Variants in SYT14 observed in about 807,000 individuals in gnomAD.
SYT14 encodes the protein synaptotagmin 14.
In SYT14, 32 loss-of-function variants were observed where a neutral mutation model predicts 74.2. The observed-to-expected ratio is 0.43, with a 90% CI of 0.33 to 0.58. SYT14 has a LOEUF of 0.58. Among genes scored for constraint, SYT14 ranks in the 20% least tolerant of loss-of-function variants. The pLI is 0.05. For missense variants in SYT14, 791 were observed against 981.8 expected (o/e 0.81, Z 2.60); for synonymous variants, 298 against 337.7 (o/e 0.88, Z 1.29).
chr1:210,126,692 T>C (rs1435364135), intron 7 of SYT14, among the ~76,000 whole-genome samples: 10 of 152,348 alleles, frequency 6.6e-5, no homozygotes, highest in Non-Finnish European at 1.3e-4. Flanking sequence ...AAAAGTACTC[T>C]TTTCATCATC....
At chr1:209,940,422 G>A (rs2078711339) in intron 1 of SYT14, among the ~76,000 whole-genome samples, 1 of 151,686 alleles carries the variant, frequency 6.6e-6, no homozygotes, top group South Asian at 2.1e-4. Flanking sequence ...ATTCCATGGG[G>A]CCAAAAAGAT....
exon 10 of SYT14, chr1:210,167,356 A>G (rs1402262906): frequency 2.6e-5 from 4 of 152,188 alleles, no homozygotes; most frequent in Non-Finnish European, 5.9e-5. Context: ...CTGCTGCTCT[A>G]AACTCTAGTT....
intron 2 of SYT14, among the ~76,000 whole-genome samples, chr1:209,997,997 T>TGAG: frequency 6.6e-6 from 1 of 152,148 alleles, no homozygotes; most frequent in Non-Finnish European, 1.5e-5. Flanking sequence ...GAGTAATTTT[T>TGAG]TAAAACCATA....
intron 7 of SYT14, among the ~76,000 whole-genome samples, chr1:210,123,550 C>T (rs544814257): frequency 6.6e-6 from 1 of 152,280 alleles, no homozygotes; most frequent in African/African-American, 2.4e-5. Context: ...GTGTCTAGCC[C>T]TTGGGCAGTA....
At chr1:210,077,814 G>A (rs1558173366) in intron 5 of SYT14, among the ~76,000 whole-genome samples, 1 of 152,028 alleles carries the variant, frequency 6.6e-6, no homozygotes, top group East Asian at 1.9e-4. Flanking sequence ...CTGTGATTTG[G>A]GGGAAATTTT....
intron 5 of SYT14, among the ~76,000 whole-genome samples, chr1:210,040,403 GA>G (rs2080762815): frequency 6.6e-6 from 1 of 151,890 alleles, no homozygotes; most frequent in Admixed American, 6.6e-5. Context: ...AGCATTAGGA[GA>G]AATACCTAAT....
At chr1:210,135,479 AT>A (rs1194956440) in intron 7 of SYT14, among the ~76,000 whole-genome samples, 1 of 152,088 alleles carries the variant, frequency 6.6e-6, no homozygotes, top group African/African-American at 2.4e-5. Context: ...TAACAAGCCC[AT>A]GTTTTCTTCT....
chr1:210,023,842 G>A (rs1364297254), intron 5 of SYT14, among the ~76,000 whole-genome samples: 1 of 152,174 alleles, frequency 6.6e-6, no homozygotes, highest in Non-Finnish European at 1.5e-5. Context: ...TGTAACTTGG[G>A]ATCTTTGTTT....
At chr1:210,032,039 G>A (rs899699803) in intron 5 of SYT14, among the ~76,000 whole-genome samples, 1 of 152,130 alleles carries the variant, frequency 6.6e-6, no homozygotes, top group Non-Finnish European at 1.5e-5. Context: ...GAACAGGAAA[G>A]TAATACCTGG....
At chr1:210,163,855 C>T (rs1444253969) in exon 10 of SYT14, 1 of 453,622 alleles carries the variant, frequency 2.2e-6, no homozygotes, top group Non-Finnish European at 4.4e-6. Context: ...TCTTCTATCT[C>T]AGTAATTATA....
chr1:210,003,139 C>T (rs1230102019), intron 2 of SYT14, among the ~76,000 whole-genome samples: 1 of 151,966 alleles, frequency 6.6e-6, no homozygotes, highest in Admixed American at 6.6e-5. Context: ...CCCTTATATC[C>T]TCGATTTTCC....
At chr1:210,145,074 C>G (rs1193083004) in intron 7 of SYT14, among the ~76,000 whole-genome samples, 1 of 152,114 alleles carries the variant, frequency 6.6e-6, no homozygotes, top group Non-Finnish European at 1.5e-5. Context: ...TTAGTATGCG[C>G]TAAAGGTCTG....
At chr1:210,129,602 T>G (rs962390679) in intron 7 of SYT14, among the ~76,000 whole-genome samples, 4 of 152,232 alleles carry the variant, frequency 2.6e-5, no homozygotes, top group Non-Finnish European at 4.4e-5. Context: ...TTAAACTTTC[T>G]TGATAATAAT....
chr1:210,085,057 G>A (rs2081695555), intron 5 of SYT14, among the ~76,000 whole-genome samples: 1 of 152,122 alleles, frequency 6.6e-6, no homozygotes, highest in East Asian at 1.9e-4. Flanking sequence ...TCCACCAATT[G>A]CTAAGAATAT....
intron 7 of SYT14, among the ~76,000 whole-genome samples, chr1:210,152,363 T>C (rs2083181282): frequency 2.0e-5 from 3 of 152,216 alleles, no homozygotes; most frequent in Non-Finnish European, 4.4e-5. Flanking sequence ...CAGGATTCTT[T>C]AAAACATTTT....
intron 2 of SYT14, among the ~76,000 whole-genome samples, chr1:209,974,873 C>T (rs1177796030): frequency 1.3e-5 from 2 of 152,088 alleles, no homozygotes; most frequent in African/African-American, 4.8e-5. Context: ...TTGTTTGTAT[C>T]CTCTTTTATT....
chr1:210,097,397 T>C (rs2081986483), intron 6 of SYT14, among the ~76,000 whole-genome samples: 1 of 152,158 alleles, frequency 6.6e-6, no homozygotes, highest in Non-Finnish European at 1.5e-5. Context: ...ACTGGTCCCA[T>C]ACCTTGAAAG....
chr1:209,944,461 A>G (rs1484648511), intron 1 of SYT14, among the ~76,000 whole-genome samples: 1 of 152,240 alleles, frequency 6.6e-6, no homozygotes, highest in African/African-American at 2.4e-5. Flanking sequence ...GGATCAAATG[A>G]GATACCATAT....
At chr1:209,998,880 A>G (rs1168562372) in intron 2 of SYT14, among the ~76,000 whole-genome samples, 1 of 152,082 alleles carries the variant, frequency 6.6e-6, no homozygotes, top group African/African-American at 2.4e-5. Flanking sequence ...ACATTGGGTT[A>G]AGCAATATTT....
Sources: allele counts gnomAD v4.1 joint callset (sites outside exome capture counted in the v4.1 genomes callset), GRCh38; gene constraint gnomAD v4.1.1; transcripts MANE v1.5; gene names NCBI Gene and HGNC (gene_info 2026-07-23, HGNC 2026-07-21).